Variants in ESRP1 observed in about 807,000 individuals in gnomAD.
ESRP1 encodes the protein RNA-binding motif protein 35A.
In ESRP1, 33 loss-of-function variants were observed where a neutral mutation model predicts 81.7. That is an observed-to-expected ratio of 0.40 (90% confidence interval 0.31 to 0.54). The LOEUF is 0.54. ESRP1 is among the 20% of genes least tolerant of loss of function. ESRP1 has a pLI of 0.41. For synonymous variants in ESRP1, 320 were observed against 303.3 expected, an observed-to-expected ratio of 1.06 and a Z score of -0.57; for missense variants, 672 against 833.1, an observed-to-expected ratio of 0.81 and a Z score of 2.38.
At chr8:94,658,579 C>T (rs1818556210) in intron 4 of ESRP1, among the ~76,000 whole-genome samples, 1 of 152,132 alleles carries the variant, frequency 6.6e-6, no homozygotes, top group African/African-American at 2.4e-5. Context: ...GGTACCTGAG[C>T]ACTGTTGAGA....
At chr8:94,679,378 G>A (rs1808778970) in intron 13 of ESRP1, among the ~76,000 whole-genome samples, 1 of 152,148 alleles carries the variant, frequency 6.6e-6, no homozygotes, top group Admixed American at 6.5e-5. Flanking sequence ...ACGTAGCCCA[G>A]CCCCAATCTG....
chr8:94,667,068 GGTGTGTGTGTGTGT>G (rs1163646804), intron 9 of ESRP1, among the ~76,000 whole-genome samples: 1 of 144,244 alleles, frequency 6.9e-6, no homozygotes, highest in African/African-American at 2.6e-5. Flanking sequence ...CCAGGAGAGG[GGTGTGTGTGTGTGT>G]GTGTGTGTGT....
chr8:94,674,548 C>T (rs1254903182), intron 12 of ESRP1, 42 bp downstream of exon 12: 2 of 1,552,320 alleles, frequency 1.3e-6, no homozygotes, highest in South Asian at 1.2e-5. Context: ...ACGCTATATG[C>T]TGGTAGGTGC....
In ESRP1 at chr8:94,641,939, C is replaced by A; in HGVS notation, c.133-17C>A. The A allele has an allele frequency of 6.2e-7, 1 of 1,613,232 alleles. No individual in the cohort carries two copies. The highest frequency in any genetic ancestry group is 2.2e-5 in the East Asian group (1 of 44,856). On this transcript the variant is annotated splice_polypyrimidine_tract_variant and intron_variant, in intron 1 of 15. Transcript: ENST00000433389. ...CGAAATTGGGGGAAACTGACCCGTG[C>A]TTCTCTACCTTCGGAGGTGGGACAG...
Position 94,664,715 on chromosome 8 carries a change from TGATGATAACACCGTAGTCA to T in ESRP1, c.665_683del (p.Asp222GlyfsTer32), listed in dbSNP as rs1554577339. On this transcript the variant is annotated frameshift_variant, in exon 7 of 16. Transcript: ENST00000433389. LOFTEE classifies it high-confidence loss of function. ...TCCACAGCAGCAAGATGGAACTTAT[TGATGATAACACCGTAGTCA>T]GGGCACGAGGTTTACCATGGCAGTC... The T allele has an allele frequency of 6.2e-7, 1 of 1,613,712 alleles. No individual in the cohort carries two copies. Among genetic ancestry groups the T allele is most frequent in the Non-Finnish European group, 8.5e-7 (1 of 1,179,776 alleles).
intron 15 of ESRP1, 183 bp from the exon 16 acceptor site, chr8:94,705,742 A>C (rs1810044432): frequency 1.7e-6 from 1 of 582,148 alleles, no homozygotes; most frequent in Non-Finnish European, 3.0e-6. Flanking sequence ...CTAGTGCTGT[A>C]CTCCCAAAGC....
Position 94,706,306 on chromosome 8 carries a change from G to A in ESRP1, c.*417G>A, listed in dbSNP as rs190767693. 20 of 192,884 alleles carry A rather than the reference G, an allele frequency of 1.0e-4. No individual in the cohort carries two copies. The highest frequency in any genetic ancestry group is 2.1e-3 in the Middle Eastern group (1 of 476). The allele number at this position is 192,884 out of a possible 1,614,324, so 11.9% of individuals were successfully genotyped here. A position where few individuals can be genotyped will look rare whatever the true frequency, so the allele number is the denominator to read the frequency against. The stretch of plus-strand genomic sequence containing the variant: ...ACTCTGTTAAGGAAGCTTCATTTTT[G>A]TATATTCCCGCTCTTTTCTCTTCAT... On this transcript the variant is annotated 3_prime_UTR_variant, in exon 16 of 16. Coordinates refer to ENST00000433389, the MANE Select transcript of ESRP1 (RefSeq NM_017697.4).
At chr8:94,658,055 G>A (rs1390415282) in intron 4 of ESRP1, among the ~76,000 whole-genome samples, 1 of 152,152 alleles carries the variant, frequency 6.6e-6, no homozygotes. Flanking sequence ...GGGATTATAG[G>A]CGTCCGCCAC....
intron 15 of ESRP1, among the ~76,000 whole-genome samples, chr8:94,698,436 C>T (rs1256672176): frequency 6.6e-6 from 1 of 152,156 alleles, no homozygotes; most frequent in Non-Finnish European, 1.5e-5. Flanking sequence ...GTGCTTTAAT[C>T]CAAAATGATT....
intron 11 of ESRP1, among the ~76,000 whole-genome samples, chr8:94,673,919 G>C (rs933140543): frequency 2.0e-5 from 3 of 152,242 alleles, no homozygotes. Context: ...CTCCAGTGCT[G>C]GTTCTGTTAC....
In ESRP1 at chr8:94,707,141, A is replaced by G. The variant is rs1810095224; in HGVS notation, c.*1252A>G. ...TCATATTGTCCTTTGCTTGAATGCA[A>G]TGCCGTGCAGATTTATGAGGCTGCT... On this transcript the variant is annotated 3_prime_UTR_variant, in exon 16 of 16. Transcript: ENST00000433389. 6.6e-6 allele frequency: 1 copy of G among 152,210 alleles called. No homozygotes were observed. The highest frequency in any genetic ancestry group is 6.5e-5 in the Admixed American group (1 of 15,272). The allele number at this position is 152,210 out of a possible 1,614,324, so 9.4% of individuals were successfully genotyped here. A position where few individuals can be genotyped will look rare whatever the true frequency, so the allele number is the denominator to read the frequency against.
At chr8:94,646,115 A>G in intron 3 of ESRP1, 53 bp from the exon 4 acceptor site, 2 of 1,009,716 alleles carry the variant, frequency 2.0e-6, no homozygotes, top group East Asian at 2.6e-5. Context: ...ATTGTGAGAG[A>G]AACATTGAAC....
Position 94,668,239 on chromosome 8 carries a change from G to A in ESRP1, c.1222G>A (p.Glu408Lys). 6.3e-7 allele frequency: 1 copy of A among 1,582,194 alleles called. No homozygotes were observed. Among genetic ancestry groups the A allele is most frequent in the Non-Finnish European group, 8.6e-7 (1 of 1,161,396 alleles). Residue 408 changes from glutamate (E) to lysine (K), a missense_variant, in exon 10 of 16, where the codon GAA becomes AAA. By Grantham distance (56) the Glu-to-Lys change is moderately conservative. Coordinates refer to ENST00000433389, the MANE Select transcript of ESRP1 (RefSeq NM_017697.4). The stretch of plus-strand genomic sequence containing the variant: ...TGAACTCTTCAGGAGCACAGCAGCT[G>A]AAGTTCAGCAGGTTGGTTTTAAAAA... ...YIELFRSTAAEVQQVLNRFSS... is the reference protein window; with the variant it reads ...YIELFRSTAAKVQQVLNRFSS...
intron 13 of ESRP1, among the ~76,000 whole-genome samples, chr8:94,686,368 G>T (rs1002607823): frequency 2.0e-5 from 3 of 152,312 alleles, no homozygotes; most frequent in East Asian, 3.9e-4. Context: ...AGGAGCCTTG[G>T]CTGTGATCCT....
rs371763073 is a variant in ESRP1, at chr8:94,667,901, A to T, written c.932-48A>T. 178 of 1,465,782 alleles carry T rather than the reference A, an allele frequency of 1.2e-4. 1 individual carries two copies. In the East Asian group the frequency reaches 3.3e-3, roughly 27 times the overall value. 90.8% of individuals were successfully genotyped at this position (1,465,782 alleles called of 1,614,324 possible). On this transcript the variant is annotated intron_variant, in intron 9 of 15. Transcript: ENST00000433389. ...TATCACTTTAAAATCGGTAAAGTTG[A>T]TGTCTTAACTATTTCTCTCCCTGCT...
At chr8:94,683,952 A>T (rs1376219458) in intron 13 of ESRP1, among the ~76,000 whole-genome samples, 1 of 152,138 alleles carries the variant, frequency 6.6e-6, no homozygotes, top group Non-Finnish European at 1.5e-5. Context: ...GGTTCAAGCG[A>T]TTCTCCTGCC....
chr8:94,657,070 A>AT (rs1222352883), intron 4 of ESRP1, among the ~76,000 whole-genome samples: 1 of 152,214 alleles, frequency 6.6e-6, no homozygotes, highest in Non-Finnish European at 1.5e-5. Context: ...TCCTGTTAAT[A>AT]TATAGACCAA....
intron 2 of ESRP1, 39 bp downstream of exon 2, chr8:94,642,123 C>T (rs1817632457): frequency 1.3e-6 from 2 of 1,597,604 alleles, no homozygotes; most frequent in Non-Finnish European, 1.7e-6. Flanking sequence ...CCAGCCTGGG[C>T]CCAACCCCAC....
chr8:94,682,085 T>C (rs930364704), intron 13 of ESRP1, among the ~76,000 whole-genome samples: 45 of 152,220 alleles, frequency 3.0e-4, no homozygotes, highest in African/African-American at 1.1e-3. Flanking sequence ...CAGTGACTCA[T>C]ACCTTAGCTA....
Sources: allele counts gnomAD v4.1 joint callset (sites outside exome capture counted in the v4.1 genomes callset), GRCh38; gene constraint gnomAD v4.1.1; transcripts MANE v1.5; gene names NCBI Gene and HGNC (gene_info 2026-07-23, HGNC 2026-07-21).